IZUMO4: variants seen among roughly 807,000 people sequenced by gnomAD.
The protein encoded by IZUMO4 is IZUMO family member 4, also known as izumo sperm-egg fusion protein 4.
A neutral mutation model predicts 37.1 loss-of-function variants in IZUMO4; 51 were observed. The observed-to-expected ratio is 1.38, with a 90% CI of 1.10 to 1.74. IZUMO4 has a LOEUF of 1.74. Among genes scored for constraint, IZUMO4 ranks in the 40% most tolerant of loss-of-function variants. IZUMO4 has a pLI of 0.00. For synonymous variants in IZUMO4, 162 were observed against 121.4 expected (o/e 1.33, Z -2.20); for missense variants, 364 against 299.6 (o/e 1.21, Z -1.59).
intron 4 of IZUMO4, 46 bp downstream of exon 4, chr19:2,098,001 C>G (rs373490070): frequency 1.9e-6 from 3 of 1,613,042 alleles, no homozygotes; most frequent in Admixed American, 3.3e-5. Context: ...GGTGGCAGCT[C>G]GGGGCCCTGG....
chr19:2,099,208 AG>A lies in IZUMO4; in HGVS notation c.609-42del, dbSNP rs1244658785. On this transcript the variant is annotated intron_variant, in intron 9 of 9. Coordinates refer to ENST00000395301, the MANE Select transcript of IZUMO4 (RefSeq NM_001039846.2). Reference sequence around the variant, plus strand: ...GCCTGGGGCCCCCAGGGAGGGAGGCAGGGGGTGGGGGACATGGAGAGCTGAG... The same window carrying A: ...GCCTGGGGCCCCCAGGGAGGGAGGCAGGGGTGGGGGACATGGAGAGCTGAG... 6 of 1,547,784 alleles carry A rather than the reference AG, an allele frequency of 3.9e-6. No individual in the cohort carries two copies. In the Admixed American group the frequency reaches 5.0e-5, roughly 13 times the overall value.
intron 3 of IZUMO4, 146 bp from the exon 4 acceptor site, chr19:2,097,783 G>A (rs903573291): frequency 1.9e-6 from 2 of 1,039,460 alleles, no homozygotes; most frequent in Non-Finnish European, 2.9e-6. Context: ...CCTTCCCTCC[G>A]GGCCATGGAC....
In IZUMO4 at chr19:2,097,106, C is replaced by G; in HGVS notation, c.161C>G (p.Thr54Ser). The change falls in exon 1 of 10, where the codon ACC becomes AGC. Residue 54 changes from threonine (T) to serine (S), a missense_variant. Physicochemically the swap from Thr to Ser is moderately conservative, Grantham distance 58. Transcript: ENST00000395301. ...ATCCCCGTGTCAGGGGCGCTGCTCA[C>G]CGACTGGAGCGACGACACGATGAAG... ...GDIPVSGALL[T>S]DWSDDTMKEL... The G allele has an allele frequency of 1.2e-6, 2 of 1,612,682 alleles. No individual in the cohort carries two copies. The highest frequency in any genetic ancestry group is 1.7e-6 in the Non-Finnish European group (2 of 1,179,890).
At chr19:2,097,524 G>A in intron 3 of IZUMO4, 29 bp downstream of exon 3, 1 of 1,596,038 alleles carries the variant, frequency 6.3e-7, no homozygotes, top group Non-Finnish European at 8.6e-7. Context: ...AGAGGAGGGA[G>A]GTGTTGCCCA....
intron 7 of IZUMO4, 66 bp from the exon 8 acceptor site, chr19:2,098,721 G>C: frequency 6.3e-7 from 1 of 1,598,330 alleles, no homozygotes; most frequent in Middle Eastern, 1.7e-4. Flanking sequence ...TCAGAGCCTG[G>C]GAGGGTTCCC....
At position 2,097,948 on chromosome 19, in the gene IZUMO4, C is replaced by G. The variant is rs1740944027; in HGVS notation, c.390C>G (p.His130Gln). Residue 130 changes from histidine to glutamine, a missense_variant, in exon 4 of 10, where the codon CAC becomes CAG. Transcript: ENST00000395301. The part of the protein sequence containing the change: ...AIIESRIDCQ[H>Q]RCGIFQYETI... ...CCACAGGCCGCATCGACTGTCAGCA[C>G]CGCTGTGGTAAGCAAGGCTCCGTCC... 1.9e-6 allele frequency: 3 copies of G among 1,613,094 alleles called. No homozygotes were observed. The highest frequency in any genetic ancestry group is 4.5e-5 in the East Asian group (2 of 44,902).
At chr19:2,098,023 A>T in intron 4 of IZUMO4, 29 bp from the exon 5 acceptor site, 1 of 1,613,116 alleles carries the variant, frequency 6.2e-7, no homozygotes, top group Non-Finnish European at 8.5e-7. Flanking sequence ...GGCTGAGGGG[A>T]GCCCTGGCGG....
rs1349434799 is a variant in IZUMO4, at chr19:2,097,042, C to A, written c.97C>A (p.Arg33Ser). The change falls in exon 1 of 10, where the codon CGC becomes AGC. Residue 33 changes from arginine to serine, a missense_variant. By Grantham distance (110) the Arg-to-Ser change is moderately radical. Transcript: ENST00000395301. The part of the protein sequence containing the change: ...SNFSKKFSFY[R>S]HHVNFKSWWV... ...CTTCTCCAAGAAGTTCTCCTTCTAC[C>A]GCCACCATGTGAACTTCAAGTCCTG... The A allele has an allele frequency of 6.2e-7, 1 of 1,612,500 alleles. No individual in the cohort carries two copies. The highest frequency in any genetic ancestry group is 2.2e-5 in the East Asian group (1 of 44,880).
chr19:2,098,281 C>T lies in IZUMO4; in HGVS notation c.474-6C>T. On this transcript the variant is annotated splice_region_variant and splice_polypyrimidine_tract_variant and intron_variant, in intron 5 of 9. Transcript: ENST00000395301. ...GGCGCACCACTTCCAAGCCTGTGTC[C>T]CACAGGTCCTCGGCGCAGTGGAAGT... 6.2e-7 allele frequency: 1 copy of T among 1,613,838 alleles called. No homozygotes were observed. The highest frequency in any genetic ancestry group is 1.3e-5 in the African/African-American group (1 of 75,054).
At position 2,099,356 on chromosome 19, in the gene IZUMO4, G is replaced by T. The variant is rs1194524451; in HGVS notation, c.*11G>T. The stretch of plus-strand genomic sequence containing the variant: ...CTCAAGCAGCACTGACAGCAGCTGG[G>T]CCTGCCCCAGGGCAACGTGGGGGCG... On this transcript the variant is annotated 3_prime_UTR_variant, in exon 10 of 10. Coordinates refer to ENST00000395301, the MANE Select transcript of IZUMO4 (RefSeq NM_001039846.2). 6.2e-7 allele frequency: 1 copy of T among 1,603,092 alleles called. No individual in the cohort carries two copies. Among genetic ancestry groups the T allele is most frequent in the East Asian group, 2.3e-5 (1 of 44,440 alleles).
chr19:2,097,601 C>A, intron 3 of IZUMO4, 106 bp downstream of exon 3: 1 of 1,036,984 alleles, frequency 9.6e-7, no homozygotes, highest in Non-Finnish European at 1.5e-6. Flanking sequence ...TGGCACCAGG[C>A]AGCTGGGGAG....
At position 2,097,292 on chromosome 19, in the gene IZUMO4, G is replaced by T; in HGVS notation, c.258G>T (p.Gln86His). 6.2e-7 allele frequency: 1 copy of T among 1,612,882 alleles called. No homozygotes were observed. The highest frequency in any genetic ancestry group is 8.5e-7 in the Non-Finnish European group (1 of 1,179,926). Residue 86 changes from glutamine (Q) to histidine (H), a missense_variant, in exon 2 of 10, where the codon CAG (glutamine) becomes CAT (histidine). Coordinates refer to ENST00000395301, the MANE Select transcript of IZUMO4 (RefSeq NM_001039846.2). The stretch of plus-strand genomic sequence containing the variant: ...ACCAAGTGGCGACAGCAGTGTACCA[G>T]ATGATGGATCAGCTGTACCAGGGGA... Reference protein sequence around the residue: ...KLDQVATAVYQMMDQLYQGKM... With the variant: ...KLDQVATAVYHMMDQLYQGKM...
At position 2,099,344 on chromosome 19, in the gene IZUMO4, G is replaced by A. The variant is rs2017847872; in HGVS notation, c.698G>A (p.Ter233=). 1 of 1,610,376 alleles carries A rather than the reference G, an allele frequency of 6.2e-7. No individual in the cohort carries two copies. Among genetic ancestry groups the A allele is most frequent in the East Asian group, 2.2e-5 (1 of 44,764 alleles). Reference sequence around the variant, plus strand: ...GCTGCTGAGTGTCTCAAGCAGCACTGACAGCAGCTGGGCCTGCCCCAGGGC... The same window carrying A: ...GCTGCTGAGTGTCTCAAGCAGCACTAACAGCAGCTGGGCCTGCCCCAGGGC... ...EDAAECLKQH[*] is the part of the protein sequence containing the mutation. The change falls in exon 10 of 10, where the codon TGA becomes TAA. Residue 233 remains the stop codon, a stop_retained_variant. Transcript: ENST00000395301.
chr19:2,097,779 C>A, intron 3 of IZUMO4, 150 bp from the exon 4 acceptor site: 1 of 1,019,762 alleles, frequency 9.8e-7, no homozygotes, highest in Non-Finnish European at 1.5e-6. Context: ...GACCCCTTCC[C>A]TCCGGGCCAT....
intron 9 of IZUMO4, 63 bp from the exon 10 acceptor site, chr19:2,099,192 C>A: frequency 6.6e-7 from 1 of 1,523,314 alleles, no homozygotes; most frequent in East Asian, 2.3e-5. Context: ...GGCCTGGGGC[C>A]CCCAGGGAGG....
chr19:2,097,206 A>G (rs1440037911), intron 1 of IZUMO4, 44 bp downstream of exon 1: 1 of 1,606,796 alleles, frequency 6.2e-7, no homozygotes, highest in Admixed American at 1.7e-5. Context: ...CCCGCCAGCG[A>G]GACCCCGGGG....
At chr19:2,099,107 C>A in intron 9 of IZUMO4, 78 bp downstream of exon 9, 1 of 1,443,042 alleles carries the variant, frequency 6.9e-7, no homozygotes, top group Non-Finnish European at 9.7e-7. Context: ...GCCTGCACAC[C>A]CTGCTGACAT....
intron 7 of IZUMO4, 114 bp downstream of exon 7, chr19:2,098,564 C>T (rs538040069): frequency 2.7e-4 from 430 of 1,605,182 alleles, no homozygotes; most frequent in African/African-American, 4.7e-4. Flanking sequence ...GAGGGGCTCC[C>T]GAGGAGGTGG....
In IZUMO4 at chr19:2,098,456, T is replaced by C; in HGVS notation, c.536+6T>C. On this transcript the variant is annotated splice_donor_region_variant and intron_variant, in intron 7 of 9. Transcript: ENST00000395301. ...TGTAGAAATAACTGGCACAAGTAAG[T>C]CCCCTCCTCAAACCAACACAGGCAG... 1 of 1,613,786 alleles carries C rather than the reference T, an allele frequency of 6.2e-7. No individual in the cohort carries two copies. The highest frequency in any genetic ancestry group is 1.1e-5 in the South Asian group (1 of 91,082).
Sources: gnomAD v4.1 joint callset for allele counts on GRCh38, gnomAD v4.1.1 for gene constraint, MANE v1.5 for transcripts, NCBI Gene and HGNC (gene_info 2026-07-23, HGNC 2026-07-21) for gene names.